Variants in OCIAD1 observed in about 807,000 individuals in gnomAD.
The protein encoded by OCIAD1 is OCIA domain-containing protein 1.
A neutral mutation model predicts 38.9 loss-of-function variants in OCIAD1; 29 were observed. The ratio of observed to expected loss-of-function variants is 0.74; its 90% confidence interval spans 0.55 to 1.02. OCIAD1 has a LOEUF of 1.02. Ranked by LOEUF, OCIAD1 falls within the 50% of genes least tolerant of loss-of-function variation. The pLI is 0.00. For missense variants in OCIAD1, 288 were observed against 289.6 expected (o/e 0.99, Z 0.04); for synonymous variants, 110 against 92.0 (o/e 1.20, Z -1.12).
chr4:48,852,882 G>GTTTTTTGTTTTTTTTTTTTT (rs1553901200), intron 7 of OCIAD1, among the ~76,000 whole-genome samples: 1 of 126,334 alleles, frequency 7.9e-6, no homozygotes, highest in Non-Finnish European at 1.7e-5. Context: ...TTTGTTTTTT[G>GTTTTTTGTTTTTTTTTTTTT]TTTTTTTTTT....
Position 48,843,044 on chromosome 4 carries a change from C to T in OCIAD1, c.193+355C>T, listed in dbSNP as rs1204016582. On this transcript the variant is annotated intron_variant, in intron 4 of 8. Coordinates refer to ENST00000264312, the MANE Select transcript of OCIAD1 (RefSeq NM_017830.4). The stretch of plus-strand genomic sequence containing the variant: ...CCAGGAGTCTGTGTTTTAACAAATT[C>T]GAAGTGATTCTTATATAATGATTTA... 4.6e-5 allele frequency among the ~76,000 whole-genome samples: 7 copies of T among 152,192 alleles called. 1 individual carries two copies. In the South Asian group the frequency reaches 8.3e-4, roughly 18 times the overall value.
intron 1 of OCIAD1, among the ~76,000 whole-genome samples, chr4:48,805,857 A>C (rs2109483368): frequency 6.6e-6 from 1 of 152,316 alleles, no homozygotes; most frequent in Non-Finnish European, 1.5e-5. Flanking sequence ...TGGCTTTATA[A>C]ATTAATGATC....
chr4:48,832,516 G>C (rs1286876373), intron 1 of OCIAD1, 104 bp from the exon 2 acceptor site: 1 of 802,772 alleles, frequency 1.2e-6, no homozygotes, highest in Non-Finnish European at 2.2e-6. Flanking sequence ...TTTGTTGATT[G>C]ATTGCTGTGT....
Position 48,806,314 on chromosome 4 carries a change from T to C in OCIAD1, c.-103+984T>C, listed in dbSNP as rs76837417. The stretch of plus-strand genomic sequence containing the variant: ...TGGAAAAACATTTTAAAGAAAATAT[T>C]CTAGTTTTTTGCTTTGATTAAAACA... On this transcript the variant is annotated intron_variant, in intron 1 of 6. Coordinates refer to the OCIAD1 transcript ENST00000504654. 3.1e-3 allele frequency among the ~76,000 whole-genome samples: 465 copies of C among 152,274 alleles called. 2 individuals carry two copies. The highest frequency in any genetic ancestry group is 0.01 in the African/African-American group (431 of 41,568).
intron 3 of OCIAD1, among the ~76,000 whole-genome samples, chr4:48,833,946 A>G (rs1014432629): frequency 9.9e-5 from 15 of 152,070 alleles, no homozygotes; most frequent in African/African-American, 3.1e-4. Context: ...ATTAGTTCCC[A>G]TTTTATCATT....
chr4:48,808,288 T>C (rs1777048743), intron 1 of OCIAD1, among the ~76,000 whole-genome samples: 1 of 151,996 alleles, frequency 6.6e-6, no homozygotes, highest in South Asian at 2.1e-4. Context: ...GACCAGGTGG[T>C]GAAACCTCAT....
At chr4:48,849,851 T>C (rs1234557182) in intron 5 of OCIAD1, 96 bp from the exon 6 acceptor site, 1 of 1,000,762 alleles carries the variant, frequency 1.0e-6, no homozygotes, top group South Asian at 1.7e-5. Flanking sequence ...CAAAGACTTA[T>C]TTAGAATCAC....
chr4:48,846,471 G>A (rs775684893), intron 4 of OCIAD1, among the ~76,000 whole-genome samples: 14 of 152,318 alleles, frequency 9.2e-5, no homozygotes, highest in African/African-American at 1.2e-4. Context: ...GTAGTTGGCC[G>A]GGTACGGTGG....
chr4:48,818,813 G>A (rs185208574), intron 1 of OCIAD1, among the ~76,000 whole-genome samples: 94 of 152,128 alleles, frequency 6.2e-4, no homozygotes, highest in African/African-American at 2.2e-3. Context: ...TCAAGCGGAA[G>A]AAAGGATATT....
chr4:48,860,781 A>G lies in OCIAD1; in HGVS notation c.*19A>G. 1 of 1,590,284 alleles carries G rather than the reference A, an allele frequency of 6.3e-7. No homozygotes were observed. ...TGAGTGAAAAATTACATCATTGGAC[A>G]TGAAGGAGTTTCAACATCCAGCTTC... On this transcript the variant is annotated 3_prime_UTR_variant, in exon 9 of 9. Transcript: ENST00000264312.
At chr4:48,828,638 T>C (rs1176703161), upstream of OCIAD1, among the ~76,000 whole-genome samples, 8 of 152,194 alleles carry the variant, frequency 5.3e-5, no homozygotes, top group African/African-American at 1.9e-4. Flanking sequence ...ACGGGAGGAA[T>C]GAACAACTCC....
intron 1 of OCIAD1, among the ~76,000 whole-genome samples, chr4:48,808,727 A>G (rs978597480): frequency 2.6e-5 from 4 of 152,196 alleles, no homozygotes; most frequent in South Asian, 4.1e-4. Flanking sequence ...TATATGATAT[A>G]AATTTCTGTT....
At chr4:48,834,396 T>C (rs1777793635) in intron 3 of OCIAD1, among the ~76,000 whole-genome samples, 1 of 152,198 alleles carries the variant, frequency 6.6e-6, no homozygotes, top group South Asian at 2.1e-4. Flanking sequence ...GGTCTTGAAC[T>C]CCTGACCTTA....
At chr4:48,860,330 A>G (rs1411081665) in intron 8 of OCIAD1, 1 of 140,806 alleles carries the variant, frequency 7.1e-6, no homozygotes, top group South Asian at 2.3e-4. Context: ...TTTTTTGTAT[A>G]TGGCTTAATA....
intron 4 of OCIAD1, among the ~76,000 whole-genome samples, chr4:48,843,621 T>TA: frequency 6.6e-6 from 1 of 152,284 alleles, no homozygotes; most frequent in South Asian, 2.1e-4. Flanking sequence ...ACAAAAATCT[T>TA]AAACATAGAA....
In OCIAD1 at chr4:48,849,104, G is replaced by T. The variant is rs144478141; in HGVS notation, c.241+658G>T. On this transcript the variant is annotated intron_variant, in intron 5 of 8. Transcript: ENST00000264312. The stretch of plus-strand genomic sequence containing the variant: ...GGTGGGAATCGAACAATGAGAACAC[G>T]TGGACACAGGAAGGGGAACATCACA... Among the ~76,000 whole-genome samples, 680 of 152,144 alleles carry T rather than the reference G, an allele frequency of 4.5e-3. 9 individuals are homozygous for T. The highest frequency in any genetic ancestry group is 0.015 in the African/African-American group (613 of 41,506).
chr4:48,860,021 AG>A (rs1560445483), intron 8 of OCIAD1: 2 of 152,328 alleles, frequency 1.3e-5, no homozygotes, highest in South Asian at 4.1e-4. Flanking sequence ...TATTCCCTGA[AG>A]AGTCCACACT....
At chr4:48,839,729 G>A (rs189434357) in intron 3 of OCIAD1, among the ~76,000 whole-genome samples, 25 of 152,278 alleles carry the variant, frequency 1.6e-4, no homozygotes, top group Non-Finnish European at 3.5e-4. Flanking sequence ...GTTACTGTGA[G>A]GGGAGAAGAG....
rs1174395211 is a variant in OCIAD1 at position 48,857,294 on chromosome 4, A to C, written c.629A>C (p.Tyr210Ser). The change falls in exon 8 of 9, where the codon TAT (tyrosine) becomes TCT (serine). Residue 210 changes from tyrosine (Y) to serine (S), a missense_variant. Transcript: ENST00000264312. ...EELRNKNRESYEVSLTQKTDP... is the reference protein window; with the variant it reads ...EELRNKNRESSEVSLTQKTDP... ...TTAAGGAATAAGAACAGAGAGTCAT[A>C]TGAAGTATCTTTAACACAAAAGACT... The C allele has an allele frequency of 6.2e-7, 1 of 1,602,274 alleles. No individual in the cohort carries two copies. The highest frequency in any genetic ancestry group is 1.3e-5 in the African/African-American group (1 of 74,408).
Sources: allele counts gnomAD v4.1 joint callset (sites outside exome capture counted in the v4.1 genomes callset), GRCh38; gene constraint gnomAD v4.1.1; transcripts MANE v1.5; gene names NCBI Gene and HGNC (gene_info 2026-07-23, HGNC 2026-07-21).